Variants in ABTB3 observed in about 807,000 individuals in gnomAD.
ABTB3 encodes ankyrin repeat and BTB domain containing 3, also known as ankyrin repeat- and BTB/POZ domain-containing protein 3.
the ABTB3 span, chr12:107,610,461 G>T: frequency 1.5e-6 from 2 of 1,359,144 alleles, no homozygotes; most frequent in Non-Finnish European, 2.0e-6. Flanking sequence ...CTGGGCAGAG[G>T]CTCCCCCTAC....
chr12:107,479,673 A>G, the ABTB3 span, among the ~76,000 whole-genome samples: 2 of 152,068 alleles, frequency 1.3e-5, no homozygotes, highest in South Asian at 4.2e-4. Context: ...TTTTATCCTA[A>G]TGTCTCCCCA....
At chr12:107,524,070 G>A in the ABTB3 span, among the ~76,000 whole-genome samples, 1 of 152,200 alleles carries the variant, frequency 6.6e-6, no homozygotes, top group African/African-American at 2.4e-5. Context: ...GAGGCAGCCT[G>A]CAGGAGCTGC....
chr12:107,618,192 AAGG>A, the ABTB3 span: 2 of 1,614,102 alleles, frequency 1.2e-6, no homozygotes, highest in Non-Finnish European at 1.7e-6. Flanking sequence ...CCAGCCAGAG[AAGG>A]AGAAGAGTGA....
the ABTB3 span, among the ~76,000 whole-genome samples, chr12:107,575,344 A>G: frequency 2.8e-4 from 43 of 152,268 alleles, no homozygotes; most frequent in African/African-American, 8.9e-4. Context: ...GTTGGTGATG[A>G]TGATAATAAC....
chr12:107,542,792 A>C, the ABTB3 span, among the ~76,000 whole-genome samples: 1 of 152,206 alleles, frequency 6.6e-6, no homozygotes, highest in Non-Finnish European at 1.5e-5. Flanking sequence ...GAAAAGAAAA[A>C]ATTATTAAGG....
the ABTB3 span, chr12:107,617,269 C>G: frequency 1.9e-6 from 3 of 1,613,932 alleles, no homozygotes; most frequent in South Asian, 3.3e-5. Context: ...TTGCTTTATT[C>G]TCTTATAAAA....
At chr12:107,569,136 A>G in the ABTB3 span, among the ~76,000 whole-genome samples, 117 of 152,162 alleles carry the variant, frequency 7.7e-4, no homozygotes, top group Non-Finnish European at 2.5e-4. Flanking sequence ...CCACCACCCA[A>G]TGACAAGGAC....
At chr12:107,439,103 G>A in the ABTB3 span, among the ~76,000 whole-genome samples, 4 of 152,150 alleles carry the variant, frequency 2.6e-5, no homozygotes, top group African/African-American at 9.7e-5. Flanking sequence ...TTGCTTGAAC[G>A]TAAAGACAGT....
At chr12:107,424,468 A>G in the ABTB3 span, among the ~76,000 whole-genome samples, 1 of 152,208 alleles carries the variant, frequency 6.6e-6, no homozygotes, top group Admixed American at 6.5e-5. Flanking sequence ...CAGTGAAAGA[A>G]TTTAAAAGGC....
At chr12:107,401,288 C>A in the ABTB3 span, among the ~76,000 whole-genome samples, 24 of 152,318 alleles carry the variant, frequency 1.6e-4, no homozygotes, top group African/African-American at 5.5e-4. Context: ...GTAACCCCAG[C>A]AGCCAGGCTG....
the ABTB3 span, among the ~76,000 whole-genome samples, chr12:107,429,619 G>A: frequency 6.6e-6 from 1 of 152,202 alleles, no homozygotes; most frequent in Non-Finnish European, 1.5e-5. Flanking sequence ...CTGCCAGTGG[G>A]TGAATGGTGG....
chr12:107,521,244 T>C, the ABTB3 span, among the ~76,000 whole-genome samples: 2 of 148,356 alleles, frequency 1.3e-5, no homozygotes, highest in African/African-American at 5.0e-5. Context: ...CAGTCGCTGG[T>C]CACATGTCTT....
the ABTB3 span, among the ~76,000 whole-genome samples, chr12:107,392,005 G>A: frequency 2.0e-5 from 3 of 152,212 alleles, no homozygotes; most frequent in Non-Finnish European, 4.4e-5. Context: ...TAGCTGTGCA[G>A]TCGAAGGCAA....
At chr12:107,469,151 C>T in the ABTB3 span, among the ~76,000 whole-genome samples, 46,710 of 152,002 alleles carry the variant, frequency 0.31, 7,645 homozygotes, top group African/African-American at 0.43. Context: ...CACCCCACTC[C>T]GGCCACCAGC....
At chr12:107,614,807 C>T in the ABTB3 span, among the ~76,000 whole-genome samples, 2 of 152,206 alleles carry the variant, frequency 1.3e-5, no homozygotes, top group South Asian at 2.1e-4. Context: ...CTTCCATTGT[C>T]CTGCCTTTGG....
chr12:107,641,035 G>A, the ABTB3 span, among the ~76,000 whole-genome samples: 118 of 152,172 alleles, frequency 7.8e-4, no homozygotes, highest in African/African-American at 2.7e-3. Context: ...AATACCAAGC[G>A]TCCCAGCTGG....
chr12:107,622,468 G>C, the ABTB3 span, among the ~76,000 whole-genome samples: 1 of 151,714 alleles, frequency 6.6e-6, no homozygotes, highest in Non-Finnish European at 1.5e-5. Context: ...TCAAATGTTT[G>C]TCCAAACAAG....
At chr12:107,612,696 A>G in the ABTB3 span, 99 of 1,311,330 alleles carry the variant, frequency 7.5e-5, no homozygotes, top group East Asian at 2.5e-3. Context: ...CCGAAACACA[A>G]GTAAGATTCT....
At chr12:107,576,557 T>G in the ABTB3 span, among the ~76,000 whole-genome samples, 1 of 151,932 alleles carries the variant, frequency 6.6e-6, no homozygotes, top group Admixed American at 6.6e-5. Context: ...CATTTTAACT[T>G]CATTACCTCT....
Sources: allele counts gnomAD v4.1 joint callset (sites outside exome capture counted in the v4.1 genomes callset), GRCh38; gene constraint gnomAD v4.1.1; transcripts MANE v1.5; gene names NCBI Gene and HGNC (gene_info 2026-07-23, HGNC 2026-07-21).